Variants in HCN4 observed in about 807,000 individuals in gnomAD.
HCN4 encodes the protein hyperpolarization activated cyclic nucleotide gated potassium channel 4.
In HCN4, 29 loss-of-function variants were observed where a neutral mutation model predicts 76.9. The observed-to-expected ratio is 0.38, with a 90% confidence interval of 0.28 to 0.51. HCN4 has a LOEUF of 0.51. Ranked by LOEUF, HCN4 falls within the 20% of genes least tolerant of loss-of-function variation. The pLI is 0.90. For missense variants in HCN4, 1,416 were observed against 1,715.2 expected (o/e 0.83, Z 3.08); for synonymous variants, 772 against 762.5 (o/e 1.01, Z -0.21).
At chr15:73,332,673 G>C (rs545274663) in intron 2 of HCN4, among the ~76,000 whole-genome samples, 7 of 152,286 alleles carry the variant, frequency 4.6e-5, no homozygotes, top group African/African-American at 1.7e-4. Flanking sequence ...CCAGCCTGAG[G>C]CTCCTCAGGG....
intron 1 of HCN4, among the ~76,000 whole-genome samples, chr15:73,359,509 T>G (rs903105925): frequency 6.6e-6 from 1 of 152,018 alleles, no homozygotes; most frequent in Non-Finnish European, 1.5e-5. Flanking sequence ...GAGAGCTTCC[T>G]AAAGGGGGGC....
chr15:73,345,672 T>C (rs2043026565), intron 1 of HCN4, among the ~76,000 whole-genome samples: 1 of 152,174 alleles, frequency 6.6e-6, no homozygotes, highest in East Asian at 1.9e-4. Context: ...CACACGCAGG[T>C]ATCCCCATTC....
rs931375055 is a variant in HCN4, at chr15:73,324,142, G to C, written c.2090C>G (p.Pro697Arg). 1 of 1,613,900 alleles carries C rather than the reference G, an allele frequency of 6.2e-7. No individual in the cohort carries two copies. Among genetic ancestry groups the C allele is most frequent in the Non-Finnish European group, 8.5e-7 (1 of 1,180,008 alleles). Reference sequence around the variant, plus strand: ...GGTCTCGAAGGCCCTTCGCATCATGGGGTACTCCTCCAGCACCTCATTGAA... The same window carrying C: ...GGTCTCGAAGGCCCTTCGCATCATGCGGTACTCCTCCAGCACCTCATTGAA... ...DNFNEVLEEY[P>R]MMRRAFETVA... The change falls in exon 7 of 8, where the codon CCC becomes CGC. Residue 697 changes from proline to arginine, a missense_variant. This residue lies in a region of HCN4 where 241 missense variants were observed against 379.4 expected (regional missense o/e 0.64). Transcript: ENST00000261917.
In HCN4 at chr15:73,367,413, G is replaced by A; in HGVS notation, c.785+73C>T. On this transcript the variant is annotated intron_variant, in intron 1 of 7. Transcript: ENST00000261917. The surrounding 1 kb of genome is among the most constrained non-coding windows in gnomAD (Gnocchi z 7.5). The stretch of plus-strand genomic sequence containing the variant: ...AAGGCAGGAAAGTTAACTCCGGCTG[G>A]GAGGCAGGGTCAGGAGGAGGCATGC... 3.1e-6 allele frequency: 5 copies of A among 1,605,570 alleles called. No individual in the cohort carries two copies. Among genetic ancestry groups the A allele is most frequent in the Non-Finnish European group, 4.2e-6 (5 of 1,176,824 alleles).
In HCN4 at chr15:73,322,506, C is replaced by A; in HGVS notation, c.3587G>T (p.Arg1196Leu). 1 of 1,599,040 alleles carries A rather than the reference C, an allele frequency of 6.3e-7. No homozygotes were observed. The highest frequency in any genetic ancestry group is 8.5e-7 in the Non-Finnish European group (1 of 1,172,794). Reference sequence around the variant, plus strand: ...TCATAGATTGGATGGCAGTTTGGAGCGCACTGGCTCAGGCCTGGCCCCAGG... The same window carrying A: ...TCATAGATTGGATGGCAGTTTGGAGAGCACTGGCTCAGGCCTGGCCCCAGG... Reference protein sequence around the residue: ...REPGARPEPVRSKLPSNL With the variant: ...REPGARPEPVLSKLPSNL Residue 1196 changes from arginine to leucine, a missense_variant, in exon 8 of 8, where the codon CGC becomes CTC. Coordinates refer to ENST00000261917, the MANE Select transcript of HCN4 (RefSeq NM_005477.3).
rs563337210 is a variant in HCN4 at position 73,343,691 on chromosome 15, C to T, written c.903G>A (p.Val301=). ...NTTPWIVFNV[V]SDTFFLIDLV... ...AGTCGATGAGGAAGAATGTGTCTGA[C>T]ACCACATTGAAGACAATCCAGGGTG... The change falls in exon 2 of 8, where the codon GTG becomes GTA. Residue 301 remains valine (V), a synonymous_variant. Transcript: ENST00000261917. The surrounding 1 kb of genome is among the most constrained non-coding windows in gnomAD (Gnocchi z 5.7). 32 of 1,614,146 alleles carry T rather than the reference C, an allele frequency of 2.0e-5. 1 individual carries two copies. The South Asian group carries it at 3.5e-4, about 18-fold the overall frequency.
In HCN4 at chr15:73,367,610, T is replaced by C. The variant is rs371771170; in HGVS notation, c.661A>G (p.Met221Val). 3.1e-6 allele frequency: 5 copies of C among 1,613,304 alleles called. No individual in the cohort carries two copies. The highest frequency in any genetic ancestry group is 3.4e-6 in the Non-Finnish European group (4 of 1,180,006). Residue 221 changes from methionine (M) to valine (V), a missense_variant, in exon 1 of 8, where the codon ATG (methionine) becomes GTG (valine). Transcript: ENST00000261917. This position sits in a 1 kb window ranked among gnomAD's most constrained non-coding sequence, Gnocchi z 7.5. Reference protein sequence around the residue: ...AGFMQRQFGAMLQPGVNKFSL... With the variant: ...AGFMQRQFGAVLQPGVNKFSL... ...AATTTGTTGACCCCGGGTTGGAGCA[T>C]GGCCCCGAACTGGCGCTGCATGAAG... is the stretch of plus-strand genomic sequence containing the variant.
rs878854774 is a variant in HCN4 at position 73,322,786 on chromosome 15, T to C, written c.3307A>G (p.Arg1103Gly). The change falls in exon 8 of 8, where the codon AGA becomes GGA. Residue 1103 changes from arginine to glycine, a missense_variant. Coordinates refer to ENST00000261917, the MANE Select transcript of HCN4 (RefSeq NM_005477.3). ...LPQDGAQTLR[R>G]ASPHSSGESM... ...TCCCCTGAGGAGTGCGGGGAGGCTC[T>C]GCGGAGAGTCTGCGCCCCGTCCTGA... is the stretch of plus-strand genomic sequence containing the variant. 6.4e-7 allele frequency: 1 copy of C among 1,553,652 alleles called. No individual in the cohort carries two copies. Among genetic ancestry groups the C allele is most frequent in the Non-Finnish European group, 8.7e-7 (1 of 1,148,712 alleles).
chr15:73,329,878 C>G, intron 3 of HCN4, 87 bp from the exon 4 acceptor site: 1 of 1,132,500 alleles, frequency 8.8e-7, no homozygotes. Flanking sequence ...CTCCTCACCT[C>G]AACCTAACTT....
chr15:73,355,064 C>T (rs2043071868), intron 1 of HCN4, among the ~76,000 whole-genome samples: 1 of 152,202 alleles, frequency 6.6e-6, no homozygotes, highest in Admixed American at 6.5e-5. Context: ...CAGGCTTGCT[C>T]CAGAAAGGAG....
intron 1 of HCN4, among the ~76,000 whole-genome samples, chr15:73,344,935 C>T (rs999234197): frequency 4.6e-5 from 7 of 152,230 alleles, no homozygotes; most frequent in African/African-American, 1.7e-4. Context: ...AGAGCTGTTT[C>T]CCTCTGCTAT....
Position 73,367,413 on chromosome 15 carries a change from G to C in HCN4, c.785+73C>G. ...AAGGCAGGAAAGTTAACTCCGGCTG[G>C]GAGGCAGGGTCAGGAGGAGGCATGC... On this transcript the variant is annotated intron_variant, in intron 1 of 7. Transcript: ENST00000261917. This position sits in a 1 kb window ranked among gnomAD's most constrained non-coding sequence, Gnocchi z 7.5. 1 of 1,605,570 alleles carries C rather than the reference G, an allele frequency of 6.2e-7. No homozygotes were observed. Among genetic ancestry groups the C allele is most frequent in the Non-Finnish European group, 8.5e-7 (1 of 1,176,824 alleles).
Position 73,322,801 on chromosome 15 carries a change from C to A in HCN4, c.3292G>T (p.Ala1098Ser). ...ASQPALPQDG[A>S]QTLRRASPHS... ...GGGGAGGCTCTGCGGAGAGTCTGCG[C>A]CCCGTCCTGAGGCAGGGCTGGCTGA... The change falls in exon 8 of 8, where the codon GCG (alanine) becomes TCG (serine). Residue 1098 changes from alanine to serine, a missense_variant. Coordinates refer to ENST00000261917, the MANE Select transcript of HCN4 (RefSeq NM_005477.3). 1 of 1,541,942 alleles carries A rather than the reference C, an allele frequency of 6.5e-7. No individual in the cohort carries two copies. Among genetic ancestry groups the A allele is most frequent in the Non-Finnish European group, 8.7e-7 (1 of 1,144,076 alleles).
intron 2 of HCN4, among the ~76,000 whole-genome samples, chr15:73,341,910 G>A (rs1184651854): frequency 6.6e-6 from 1 of 152,226 alleles, no homozygotes; most frequent in African/African-American, 2.4e-5. Context: ...TGCTGCTGGG[G>A]GTGAGCATGG....
intron 6 of HCN4, among the ~76,000 whole-genome samples, chr15:73,324,686 C>A (rs1259076014): frequency 6.6e-6 from 1 of 152,206 alleles, no homozygotes; most frequent in Non-Finnish European, 1.5e-5. Context: ...AGGGCCCTCA[C>A]CAGCCCCAAC....
Position 73,367,596 on chromosome 15 carries a change from C to G in HCN4, c.675G>C (p.Gly225=). The change falls in exon 1 of 8, where the codon GGG becomes GGC. Residue 225 remains glycine, a synonymous_variant. Transcript: ENST00000261917. This position sits in a 1 kb window ranked among gnomAD's most constrained non-coding sequence, Gnocchi z 7.5. The part of the protein sequence containing the change: ...QRQFGAMLQP[G]VNKFSLRMFG... ...ACATCCTTAGGGAGAATTTGTTGAC[C>G]CCGGGTTGGAGCATGGCCCCGAACT... The G allele has an allele frequency of 6.2e-7, 1 of 1,613,764 alleles. No individual in the cohort carries two copies.
chr15:73,361,134 G>T (rs1311182623), intron 1 of HCN4, among the ~76,000 whole-genome samples: 1 of 152,204 alleles, frequency 6.6e-6, no homozygotes, highest in Non-Finnish European at 1.5e-5. Flanking sequence ...GCCAAACAGA[G>T]CACATCTGGA....
intron 1 of HCN4, among the ~76,000 whole-genome samples, chr15:73,356,272 G>A (rs568686612): frequency 1.3e-5 from 2 of 149,666 alleles, no homozygotes; most frequent in East Asian, 2.0e-4. Context: ...CTGCAGCCTC[G>A]ACCTCCCTGG....
chr15:73,368,337 C>T lies in HCN4; in HGVS notation c.-67G>A. 1 of 1,199,146 alleles carries T rather than the reference C, an allele frequency of 8.3e-7. No homozygotes were observed. Among genetic ancestry groups the T allele is most frequent in the South Asian group, 2.1e-5 (1 of 47,462 alleles). 74.3% of individuals were successfully genotyped at this position (1,199,146 alleles called of 1,614,324 possible). ...GCGGCGCCGCGGACGGGCTCCAGGT[C>T]CGCCCGCCGGTCAGTCCGCCCGTGG... On this transcript the variant is annotated 5_prime_UTR_variant, in exon 1 of 8. Coordinates refer to ENST00000261917, the MANE Select transcript of HCN4 (RefSeq NM_005477.3). This position sits in a 1 kb window ranked among gnomAD's most constrained non-coding sequence, Gnocchi z 6.9.
Sources: allele counts gnomAD v4.1 joint callset (sites outside exome capture counted in the v4.1 genomes callset), GRCh38; gene constraint gnomAD v4.1.1; regional missense constraint gnomAD v4.1.1; non-coding constraint Gnocchi (gnomAD v3.1); transcripts MANE v1.5; gene names NCBI Gene and HGNC (gene_info 2026-07-23, HGNC 2026-07-21).